Variants in CELF2 observed in about 807,000 individuals in gnomAD.
CELF2 encodes the protein CUGBP Elav-like family member 2, also known as CUG triplet repeat RNA-binding protein 2.
In CELF2, 8 loss-of-function variants were observed where a neutral mutation model predicts 62.6. That is an observed-to-expected ratio of 0.13 (90% confidence interval 0.07 to 0.23). CELF2 has a LOEUF of 0.23. Among genes scored for constraint, CELF2 ranks in the 10% least tolerant of loss-of-function variants. The pLI is 1.00. For missense variants in CELF2, 333 were observed against 671.0 expected (o/e 0.50, Z 5.56); for synonymous variants, 258 against 250.0 (o/e 1.03, Z -0.30).
At chr10:10,925,976 A>C (rs1257034929) in intron 2 of CELF2, among the ~76,000 whole-genome samples, 1 of 151,706 alleles carries the variant, frequency 6.6e-6, no homozygotes, top group East Asian at 1.9e-4. Flanking sequence ...TGCATCTACC[A>C]CTCATAGCCT....
At chr10:10,933,619 C>G (rs1341639300) in intron 2 of CELF2, among the ~76,000 whole-genome samples, 1 of 152,100 alleles carries the variant, frequency 6.6e-6, no homozygotes, top group Non-Finnish European at 1.5e-5. Context: ...ACCCCATCCC[C>G]TGGTAACCAC....
chr10:10,769,112 A>G, the CELF2 span, among the ~76,000 whole-genome samples: 1 of 152,176 alleles, frequency 6.6e-6, no homozygotes, highest in African/African-American at 2.4e-5. Flanking sequence ...AGCTTAGTAC[A>G]ACAGATATTT....
intron 2 of CELF2, among the ~76,000 whole-genome samples, chr10:10,924,260 C>T (rs1484459052): frequency 9.5e-6 from 1 of 105,278 alleles, no homozygotes; most frequent in Admixed American, 1.6e-4. Context: ...CCAGCCTGGG[C>T]AACACAGCGA....
chr10:10,823,947 T>A (rs966305143), intron 1 of CELF2, among the ~76,000 whole-genome samples: 2 of 152,060 alleles, frequency 1.3e-5, no homozygotes, highest in Non-Finnish European at 2.9e-5. Context: ...AATGGATGAA[T>A]GGATAGATAG....
the CELF2 span, among the ~76,000 whole-genome samples, chr10:10,626,109 T>C: frequency 6.6e-6 from 1 of 152,300 alleles, no homozygotes; most frequent in African/African-American, 2.4e-5. Flanking sequence ...AAAAAGCTAA[T>C]GTGGCTTTTT....
rs551817955 is a variant in CELF2 at position 11,129,383 on chromosome 10, C to T, written c.75-36103C>T. Among the ~76,000 whole-genome samples the T allele has an allele frequency of 3.9e-5, 6 of 152,280 alleles. No homozygotes were observed. In the South Asian group the frequency reaches 1.2e-3, roughly 32 times the overall value. On this transcript the variant is annotated intron_variant, in intron 1 of 12. Coordinates refer to ENST00000633077, the MANE Select transcript of CELF2 (RefSeq NM_001326342.2). The stretch of plus-strand genomic sequence containing the variant: ...GCCAGGCTTTGGTATCAGGATGATG[C>T]TGGCCTCATAAAATGAGTTAGGGAG...
At chr10:10,686,869 C>G in the CELF2 span, among the ~76,000 whole-genome samples, 1 of 152,206 alleles carries the variant, frequency 6.6e-6, no homozygotes, top group Non-Finnish European at 1.5e-5. Context: ...TTCCACTCTA[C>G]TGGGATGACT....
At chr10:10,861,773 G>C (rs1177400211) in intron 1 of CELF2, among the ~76,000 whole-genome samples, 2 of 152,198 alleles carry the variant, frequency 1.3e-5, no homozygotes, top group Non-Finnish European at 2.9e-5. Context: ...TAGATGATAT[G>C]ATTAAGGCAG....
intron 1 of CELF2, among the ~76,000 whole-genome samples, chr10:11,009,101 T>A (rs1357660177): frequency 2.6e-5 from 4 of 151,862 alleles, no homozygotes; most frequent in Non-Finnish European, 5.9e-5. Context: ...TAACAGTGAC[T>A]TTTGTTGGGT....
At chr10:10,690,114 GA>G in the CELF2 span, among the ~76,000 whole-genome samples, 2 of 152,098 alleles carry the variant, frequency 1.3e-5, no homozygotes, top group Non-Finnish European at 2.9e-5. Context: ...TCATTTTTCT[GA>G]ATTCTGACCT....
At position 11,075,092 on chromosome 10, in the gene CELF2, G is replaced by C. The variant is rs950955208; in HGVS notation, c.74+56929G>C. 2.0e-5 allele frequency: 3 copies of C among 152,192 alleles called. No individual in the cohort carries two copies. Among genetic ancestry groups the C allele is most frequent in the African/African-American group, 4.8e-5 (2 of 41,446 alleles). 9.4% of individuals were successfully genotyped at this position (152,192 alleles called of 1,614,324 possible). On this transcript the variant is annotated intron_variant, in intron 1 of 12. Transcript: ENST00000633077. This position sits in a 1 kb window ranked among gnomAD's most constrained non-coding sequence, Gnocchi z 5.4. ...CCTCTTGTCACTATGGGAAAATGCTGCTCTGTCCTAATCCCCTTGGCCCTG... is the reference window on the plus strand; with the variant it reads ...CCTCTTGTCACTATGGGAAAATGCTCCTCTGTCCTAATCCCCTTGGCCCTG...
At chr10:10,704,353 T>G in the CELF2 span, among the ~76,000 whole-genome samples, 1 of 152,200 alleles carries the variant, frequency 6.6e-6, no homozygotes, top group African/African-American at 2.4e-5. Context: ...AAGATTATAA[T>G]GCACAATGGG....
At chr10:10,655,270 C>A in the CELF2 span, among the ~76,000 whole-genome samples, 1 of 139,802 alleles carries the variant, frequency 7.2e-6, no homozygotes, top group Non-Finnish European at 1.6e-5. Context: ...TAGGAAGAAT[C>A]AATATCGTGA....
the CELF2 span, among the ~76,000 whole-genome samples, chr10:10,793,091 A>G: frequency 6.6e-6 from 1 of 152,196 alleles, no homozygotes; most frequent in Admixed American, 6.5e-5. Flanking sequence ...TCTTTTGCAT[A>G]TATGTAGCAG....
At chr10:10,583,559 A>G in the CELF2 span, among the ~76,000 whole-genome samples, 4 of 152,208 alleles carry the variant, frequency 2.6e-5, no homozygotes. Flanking sequence ...CTGAGGAGAC[A>G]GTCATTTCTC....
chr10:10,552,095 C>G, the CELF2 span, among the ~76,000 whole-genome samples: 1 of 152,140 alleles, frequency 6.6e-6, no homozygotes, highest in Non-Finnish European at 1.5e-5. Context: ...TCAGACAAAG[C>G]GGTTGCCTTG....
intron 2 of CELF2, among the ~76,000 whole-genome samples, chr10:10,991,182 A>G (rs2053397907): frequency 6.6e-6 from 1 of 152,224 alleles, no homozygotes; most frequent in South Asian, 2.1e-4. Context: ...TCTCCAAAAC[A>G]CAGTGGAATC....
At chr10:10,556,729 C>G in the CELF2 span, among the ~76,000 whole-genome samples, 1 of 152,092 alleles carries the variant, frequency 6.6e-6, no homozygotes, top group Non-Finnish European at 1.5e-5. Flanking sequence ...GCCATTCTAA[C>G]TGGTGTGAGA....
chr10:10,915,325 A>T (rs12252379), intron 1 of CELF2, among the ~76,000 whole-genome samples: 11,579 of 152,126 alleles, frequency 0.076, 1,074 homozygotes, highest in African/African-American at 0.22. Context: ...TATACACTCA[A>T]ATTTATTAAG....
Sources: allele counts gnomAD v4.1 joint callset (sites outside exome capture counted in the v4.1 genomes callset), GRCh38; gene constraint gnomAD v4.1.1; non-coding constraint Gnocchi (gnomAD v3.1); transcripts MANE v1.5; gene names NCBI Gene and HGNC (gene_info 2026-07-23, HGNC 2026-07-21).